The following LRP1B variants were observed in gnomAD, a reference collection of about 807,000 sequenced individuals.
LRP1B encodes LDL receptor related protein 1B, also known as low-density lipoprotein receptor-related protein 1B.
LRP1B carries 217 observed loss-of-function variants against 556.6 expected under a neutral mutation model. That is an observed-to-expected ratio of 0.39 (90% confidence interval 0.35 to 0.44). The LOEUF (loss-of-function observed/expected upper bound fraction) is 0.44, where lower values mean the gene tolerates loss of function less well. Among genes scored for constraint, LRP1B ranks in the 20% least tolerant of loss-of-function variants. The pLI is 1.00. For missense variants in LRP1B, 5,053 were observed against 5,620.8 expected (o/e 0.90, Z 3.23); for synonymous variants, 2,047 against 1,865.8 (o/e 1.10, Z -2.50).
In LRP1B at chr2:140,292,913, G is replaced by A. The variant is rs140289461; in HGVS notation, c.12967+4895C>T. On this transcript the variant is annotated intron_variant, in intron 84 of 90. Transcript: ENST00000389484. ...TCTATAGTGCATAATTGTTTTATAC[G>A]TTACTTGATAGTCTGTGGTTCTAAT... 3.7e-3 allele frequency among the ~76,000 whole-genome samples: 560 copies of A among 152,134 alleles called. 2 individuals carry two copies. The highest frequency in any genetic ancestry group is 6.1e-3 in the Non-Finnish European group (412 of 67,984).
At chr2:140,990,532 G>T (rs771265810) in intron 16 of LRP1B, among the ~76,000 whole-genome samples, 4 of 150,494 alleles carry the variant, frequency 2.7e-5, no homozygotes, top group Non-Finnish European at 5.9e-5. Flanking sequence ...ACCTAGAGTT[G>T]ATGTTAACTA....
chr2:141,231,492 T>C lies in LRP1B; in HGVS notation c.593-2052A>G, dbSNP rs115119006. On this transcript the variant is annotated intron_variant, in intron 5 of 90. Coordinates refer to ENST00000389484, the MANE Select transcript of LRP1B (RefSeq NM_018557.3). ...CAAAAAAAAGACACAGGGTTTTATT[T>C]AGGGAAACTTACACACAGAGATGGT... Among the ~76,000 whole-genome samples the C allele has an allele frequency of 5.8e-3, 879 of 152,252 alleles. 7 individuals are homozygous for C. Among genetic ancestry groups the C allele is most frequent in the African/African-American group, 0.018 (751 of 41,516 alleles).
chr2:141,735,679 CT>C (rs1693438222), intron 2 of LRP1B, among the ~76,000 whole-genome samples: 2 of 152,128 alleles, frequency 1.3e-5, no homozygotes, highest in African/African-American at 4.8e-5. Flanking sequence ...TGAGGTAGAA[CT>C]TTTTTCTCTT....
At chr2:140,863,581 C>A (rs1425521863) in intron 27 of LRP1B, among the ~76,000 whole-genome samples, 1 of 152,110 alleles carries the variant, frequency 6.6e-6, no homozygotes, top group African/African-American at 2.4e-5. Context: ...CTGACCCCTG[C>A]CCAATCTTGT....
intron 89 of LRP1B, 122 bp from the exon 90 acceptor site, chr2:140,235,006 A>G: frequency 1.9e-6 from 1 of 515,682 alleles, no homozygotes; most frequent in Non-Finnish European, 3.5e-6. Flanking sequence ...CACCATTTAC[A>G]GTGTGTTCAT....
At chr2:140,313,207 CTG>C (rs1372720409) in intron 83 of LRP1B, among the ~76,000 whole-genome samples, 3 of 151,876 alleles carry the variant, frequency 2.0e-5, no homozygotes, top group African/African-American at 7.2e-5. Context: ...AACTGCATGT[CTG>C]TATCTCATAT....
chr2:140,937,711 T>G (rs1695270762), intron 20 of LRP1B, among the ~76,000 whole-genome samples: 1 of 152,058 alleles, frequency 6.6e-6, no homozygotes, highest in Non-Finnish European at 1.5e-5. Flanking sequence ...GGTATCTTGT[T>G]TTCTATGTGA....
intron 1 of LRP1B, among the ~76,000 whole-genome samples, chr2:142,042,230 G>T (rs1704090514): frequency 6.6e-6 from 1 of 151,206 alleles, no homozygotes; most frequent in East Asian, 1.9e-4. Context: ...TACATTCAGT[G>T]GCATTTGGAA....
At chr2:141,395,357 A>G (rs1175786543) in intron 3 of LRP1B, among the ~76,000 whole-genome samples, 9 of 152,100 alleles carry the variant, frequency 5.9e-5, no homozygotes, top group African/African-American at 2.2e-4. Flanking sequence ...ATGTCTTGAT[A>G]CACAAGTTCT....
intron 41 of LRP1B, among the ~76,000 whole-genome samples, chr2:140,694,664 C>T (rs998112917): frequency 5.3e-5 from 8 of 152,006 alleles, no homozygotes; most frequent in Non-Finnish European, 1.2e-4. Context: ...CTCTTCTTTG[C>T]CATTTGTCAA....
At chr2:140,298,589 A>G (rs1275731916) in intron 83 of LRP1B, among the ~76,000 whole-genome samples, 1 of 152,176 alleles carries the variant, frequency 6.6e-6, no homozygotes, top group Non-Finnish European at 1.5e-5. Context: ...ACAAGAGTGG[A>G]CTGTACTTGA....
At chr2:141,391,828 T>C (rs1221704869) in intron 3 of LRP1B, among the ~76,000 whole-genome samples, 3 of 152,168 alleles carry the variant, frequency 2.0e-5, no homozygotes, top group Admixed American at 2.0e-4. Context: ...AATGCCAGAA[T>C]AAAAAACCTT....
chr2:140,541,837 A>G lies in LRP1B; in HGVS notation c.7329T>C (p.Arg2443=). The G allele has an allele frequency of 2.5e-6, 4 of 1,612,816 alleles. No individual in the cohort carries two copies. The highest frequency in any genetic ancestry group is 3.4e-6 in the Non-Finnish European group (4 of 1,179,138). ...KYTGGDTKIL[R]SDIPHQPMGI... is the part of the protein sequence containing the mutation. ...CCATTGGCTGATGTGGAATATCGGA[A>G]CGAAGAATTTTTGTATCTCCTCCTG... Residue 2443 remains arginine, a synonymous_variant, in exon 44 of 91, where the codon CGT becomes CGC. Coordinates refer to ENST00000389484, the MANE Select transcript of LRP1B (RefSeq NM_018557.3).
chr2:140,702,639 C>T (rs2105431521), intron 37 of LRP1B, 86 bp from the exon 38 acceptor site: 2 of 1,184,062 alleles, frequency 1.7e-6, no homozygotes, highest in Non-Finnish European at 2.5e-6. Context: ...CTAATAACAG[C>T]AGTAGCATTC....
intron 66 of LRP1B, among the ~76,000 whole-genome samples, chr2:140,438,904 G>C (rs2105295722): frequency 1.3e-5 from 2 of 152,288 alleles, no homozygotes; most frequent in Middle Eastern, 3.4e-3. Flanking sequence ...GCTGGGGCAT[G>C]AGTGCAGAGT....
intron 41 of LRP1B, among the ~76,000 whole-genome samples, chr2:140,687,758 T>C (rs1686100961): frequency 6.6e-6 from 1 of 152,154 alleles, no homozygotes; most frequent in Non-Finnish European, 1.5e-5. Flanking sequence ...ATATACCTTT[T>C]AGTAGGTATA....
chr2:140,950,588 G>A (rs1164575616), intron 19 of LRP1B, among the ~76,000 whole-genome samples, 186 bp from the exon 20 acceptor site: 1 of 152,014 alleles, frequency 6.6e-6, no homozygotes, highest in Non-Finnish European at 1.5e-5. Flanking sequence ...GGGCTCAAAT[G>A]ATACTCCCAC....
intron 1 of LRP1B, among the ~76,000 whole-genome samples, chr2:141,926,205 A>C (rs1436228964): frequency 6.6e-6 from 1 of 152,226 alleles, no homozygotes; most frequent in African/African-American, 2.4e-5. Flanking sequence ...GAACATTATC[A>C]AAGAAATACT....
intron 7 of LRP1B, among the ~76,000 whole-genome samples, chr2:141,120,575 T>C (rs1332527542): frequency 6.6e-6 from 1 of 152,064 alleles, no homozygotes; most frequent in Non-Finnish European, 1.5e-5. Context: ...AATAGCTATC[T>C]GATATAAATA....
Sources: allele counts gnomAD v4.1 joint callset (sites outside exome capture counted in the v4.1 genomes callset), GRCh38; gene constraint gnomAD v4.1.1; transcripts MANE v1.5; gene names NCBI Gene and HGNC (gene_info 2026-07-23, HGNC 2026-07-21).